FUT8: variants seen among roughly 807,000 people sequenced by gnomAD.
The protein encoded by FUT8 is alpha-(1,6)-fucosyltransferase.
A neutral mutation model predicts 71.3 loss-of-function variants in FUT8; 29 were observed. The ratio of observed to expected loss-of-function variants is 0.41; its 90% CI spans 0.30 to 0.55. FUT8 has a LOEUF of 0.55. Ranked by LOEUF, FUT8 falls within the 20% of genes least tolerant of loss-of-function variation. The pLI, the probability that FUT8 is intolerant of heterozygous loss-of-function variation, is 0.34. For missense variants in FUT8, 544 were observed against 702.1 expected, an observed-to-expected ratio of 0.77 and a Z score of 2.55; for synonymous variants, 254 against 239.3, an observed-to-expected ratio of 1.06 and a Z score of -0.57.
intron 1 of FUT8, among the ~76,000 whole-genome samples, chr14:65,434,319 A>G (rs2065522201): frequency 6.6e-6 from 1 of 152,166 alleles, no homozygotes; most frequent in East Asian, 1.9e-4. Flanking sequence ...CTTATGTTAG[A>G]AAGCTTCTTT....
rs1566890727 is a variant in FUT8 at position 65,677,171 on chromosome 14, CACGT to C, written c.835+7693_835+7696del. On this transcript the variant is annotated intron_variant, in intron 7 of 10. Coordinates refer to ENST00000673929, the MANE Select transcript of FUT8 (RefSeq NM_001371533.1). Reference sequence around the variant, plus strand: ...GTGTGTGCGCGCGCGCATGCGCGCGCACGTATGTGTGTGCGCATGTGTGTTTTTA... The same window carrying C: ...GTGTGTGCGCGCGCGCATGCGCGCGCATGTGTGTGCGCATGTGTGTTTTTA... Among the ~76,000 whole-genome samples, 100 of 109,902 alleles carry C rather than the reference CACGT, an allele frequency of 9.1e-4. 1 individual carries two copies. The highest frequency in any genetic ancestry group is 4.3e-3 in the African/African-American group (97 of 22,490). 72.1% of individuals were successfully genotyped at this position (109,902 alleles called of 152,430 possible). A position where few individuals can be genotyped will look rare whatever the true frequency, so the allele number is the denominator to read the frequency against.
intron 7 of FUT8, among the ~76,000 whole-genome samples, chr14:65,681,555 A>T (rs1893036630): frequency 6.6e-6 from 1 of 152,202 alleles, no homozygotes; most frequent in South Asian, 2.1e-4. Flanking sequence ...TTTCCAGTAA[A>T]ACTGAAAATA....
intron 2 of FUT8, among the ~76,000 whole-genome samples, chr14:65,522,725 C>T (rs1377524661): frequency 7.7e-6 from 1 of 129,716 alleles, no homozygotes; most frequent in Non-Finnish European, 1.6e-5. Context: ...CTCCCCCCTC[C>T]CCCCACCCCG....
At chr14:65,721,262 T>C (rs1895400409) in intron 7 of FUT8, among the ~76,000 whole-genome samples, 1 of 152,120 alleles carries the variant, frequency 6.6e-6, no homozygotes, top group African/African-American at 2.4e-5. Context: ...AAAAAGATTT[T>C]AGAATTATCT....
At chr14:65,407,080 G>A (rs1335648606), upstream of FUT8, among the ~76,000 whole-genome samples, 3 of 152,134 alleles carry the variant, frequency 2.0e-5, no homozygotes, top group Non-Finnish European at 4.4e-5. Context: ...TTCAGGTTAG[G>A]TGACCTTCAA....
intron 2 of FUT8, chr14:65,516,182 A>G (rs540815081): frequency 9.5e-6 from 1 of 105,020 alleles, no homozygotes; most frequent in African/African-American, 3.8e-5. Flanking sequence ...CTTGTCTCTT[A>G]TAAAAAGAAA....
rs191440053 is a variant in FUT8 at position 65,418,579 on chromosome 14, T to G, written c.-326+5365T>G. ...TGGTAAAGTGGACAGATATAATTTA[T>G]AGATTCTGTATTGTCTGGGACCTTG... On this transcript the variant is annotated intron_variant, in intron 1 of 10. Transcript: ENST00000673929. Among the ~76,000 whole-genome samples the G allele has an allele frequency of 2.8e-3, 434 of 152,342 alleles. 3 individuals are homozygous for G. The highest frequency in any genetic ancestry group is 9.9e-3 in the African/African-American group (413 of 41,574).
chr14:65,717,201 G>A (rs1594931996), intron 7 of FUT8, among the ~76,000 whole-genome samples: 8 of 123,486 alleles, frequency 6.5e-5, no homozygotes, highest in Admixed American at 1.6e-4. Context: ...CCGGGCAGAG[G>A]CGCTCCTCAC....
chr14:65,612,812 C>T (rs1889068653), intron 3 of FUT8, among the ~76,000 whole-genome samples: 1 of 152,312 alleles, frequency 6.6e-6, no homozygotes, highest in Non-Finnish European at 1.5e-5. Context: ...TTGTTTAATA[C>T]ATCTAACCTG....
chr14:65,381,089 G>T, the FUT8 span, among the ~76,000 whole-genome samples: 1 of 152,152 alleles, frequency 6.6e-6, no homozygotes. Context: ...TTTGAAAGAA[G>T]AACTTAAAAA....
chr14:65,379,514 A>T, the FUT8 span, among the ~76,000 whole-genome samples: 1 of 152,174 alleles, frequency 6.6e-6, no homozygotes, highest in African/African-American at 2.4e-5. Context: ...TGGGCAACAG[A>T]GGGAGACTCT....
Position 65,692,287 on chromosome 14 carries a change from A to T in FUT8, c.835+22807A>T, listed in dbSNP as rs1486065407. On this transcript the variant is annotated intron_variant, in intron 7 of 10. Coordinates refer to ENST00000673929, the MANE Select transcript of FUT8 (RefSeq NM_001371533.1). ...GGCTGGCCGGGCAGAGGGGCTCCTC[A>T]CTTCCCAGTAGGGGCGGCCAGGCAG... is the stretch of plus-strand genomic sequence containing the variant. Among the ~76,000 whole-genome samples, 482 of 139,734 alleles carry T rather than the reference A, an allele frequency of 3.4e-3. 1 individual carries two copies. Among genetic ancestry groups the T allele is most frequent in the African/African-American group, 0.012 (456 of 36,842 alleles). 91.7% of individuals were successfully genotyped at this position (139,734 alleles called of 152,430 possible).
intron 6 of FUT8, among the ~76,000 whole-genome samples, chr14:65,654,417 C>T (rs1315245018): frequency 1.3e-5 from 2 of 152,044 alleles, no homozygotes; most frequent in African/African-American, 4.8e-5. Flanking sequence ...GGAGAAACCT[C>T]GTCTCTACCA....
intron 2 of FUT8, among the ~76,000 whole-genome samples, chr14:65,527,396 C>T (rs142935169): frequency 2.4e-3 from 364 of 152,284 alleles, no homozygotes; most frequent in Middle Eastern, 6.8e-3. Flanking sequence ...AGTTCTCATG[C>T]CATGGTTTTC....
intron 3 of FUT8, among the ~76,000 whole-genome samples, chr14:65,575,582 T>TCCTTCTTTCCTTCCTTCCTTCCTTCCTTC (rs35174023): frequency 2.7e-5 from 2 of 72,752 alleles, no homozygotes; most frequent in African/African-American, 9.2e-5. Context: ...CTTCCTTCCT[T>TCCTTCTTTCCTTCCTTCCTTCCTTCCTTC]CTTCCTTCCT....
At chr14:65,605,503 A>G (rs907465396) in intron 3 of FUT8, among the ~76,000 whole-genome samples, 1 of 151,980 alleles carries the variant, frequency 6.6e-6, no homozygotes, top group Non-Finnish European at 1.5e-5. Context: ...TAATTTGGGC[A>G]AACAAAAGAG....
intron 3 of FUT8, among the ~76,000 whole-genome samples, chr14:65,600,907 G>A (rs894755609): frequency 3.3e-5 from 5 of 152,208 alleles, no homozygotes; most frequent in East Asian, 1.9e-4. Context: ...ACAACTATTC[G>A]TTCTACATTG....
At chr14:65,479,969 A>G (rs2066303914) in intron 2 of FUT8, among the ~76,000 whole-genome samples, 1 of 152,026 alleles carries the variant, frequency 6.6e-6, no homozygotes, top group East Asian at 1.9e-4. Flanking sequence ...ACATGAAGAA[A>G]CCAAATATTT....
At chr14:65,654,099 G>A (rs556317045) in intron 6 of FUT8, among the ~76,000 whole-genome samples, 2 of 152,236 alleles carry the variant, frequency 1.3e-5, no homozygotes, top group East Asian at 3.9e-4. Context: ...TGGGTAAGAA[G>A]CAAAATTTTT....
Sources: allele counts gnomAD v4.1 joint callset (sites outside exome capture counted in the v4.1 genomes callset), GRCh38; gene constraint gnomAD v4.1.1; transcripts MANE v1.5; gene names NCBI Gene and HGNC (gene_info 2026-07-23, HGNC 2026-07-21).